The following HIVEP1 variants were observed in gnomAD, a reference collection of about 807,000 sequenced individuals.
The protein encoded by HIVEP1 is zinc finger protein 40.
Under a neutral mutation model 180.0 loss-of-function variants are expected in HIVEP1, and 36 were observed. That is an observed-to-expected ratio of 0.20 (90% CI 0.15 to 0.26). The LOEUF is 0.26. Ranked by LOEUF, HIVEP1 falls within the 10% of genes least tolerant of loss-of-function variation. The probability of loss-of-function intolerance (pLI) is 1.00; values close to 1 mark genes in which losing one functional copy is unlikely to be tolerated. For synonymous variants in HIVEP1, 1,239 were observed against 1,239.0 expected, an observed-to-expected ratio of 1.00 and a Z score of 0.00; for missense variants, 3,143 against 3,268.7, an observed-to-expected ratio of 0.96 and a Z score of 0.94.
In HIVEP1 at chr6:12,123,264, G is replaced by A; in HGVS notation, c.3469G>A (p.Ala1157Thr). 1 of 1,614,154 alleles carries A rather than the reference G, an allele frequency of 6.2e-7. No homozygotes were observed. Among genetic ancestry groups the A allele is most frequent in the Non-Finnish European group, 8.5e-7 (1 of 1,180,032 alleles). Residue 1157 changes from alanine (A) to threonine (T), a missense_variant, in exon 4 of 9, where the codon GCC (alanine) becomes ACC (threonine). Physicochemically the swap from Ala to Thr is moderately conservative, Grantham distance 58. This residue lies in a region of HIVEP1 where 1,357 missense variants were observed against 1,260.5 expected (regional missense o/e 1.08). Transcript: ENST00000379388. Reference protein sequence around the residue: ...SFDKPEPFERASPVSFQELNR... With the variant: ...SFDKPEPFERTSPVSFQELNR... The stretch of plus-strand genomic sequence containing the variant: ...TGACAAGCCTGAGCCTTTTGAAAGA[G>A]CCTCCCCAGTTTCTTTCCAGGAGCT...
At chr6:12,161,094 A>G (rs1760368658) in intron 7 of HIVEP1, among the ~76,000 whole-genome samples, 1 of 152,222 alleles carries the variant, frequency 6.6e-6, no homozygotes, top group African/African-American at 2.4e-5. Context: ...TTAATTTTAT[A>G]TGTAGTTCAG....
At chr6:12,179,246 G>C in the HIVEP1 span, among the ~76,000 whole-genome samples, 1 of 152,062 alleles carries the variant, frequency 6.6e-6, no homozygotes, top group African/African-American at 2.4e-5. Context: ...TATAGATAGG[G>C]ACCCAAATAT....
intron 2 of HIVEP1, among the ~76,000 whole-genome samples, chr6:12,086,422 G>A (rs1190535010): frequency 6.6e-6 from 1 of 152,070 alleles, no homozygotes; most frequent in Admixed American, 6.6e-5. Context: ...CAGCAACAGA[G>A]AAACTATTAT....
intron 6 of HIVEP1, among the ~76,000 whole-genome samples, chr6:12,133,893 G>C (rs1219255268): frequency 4.6e-5 from 7 of 151,842 alleles, no homozygotes; most frequent in Admixed American, 1.3e-4. Context: ...CAAAAGAATG[G>C]CTTGAACCCG....
intron 5 of HIVEP1, among the ~76,000 whole-genome samples, chr6:12,130,542 A>C (rs758786422): frequency 1.3e-5 from 2 of 152,196 alleles, no homozygotes; most frequent in East Asian, 1.9e-4. Flanking sequence ...TCTCTAAAAA[A>C]AAAACAAAAC....
chr6:12,017,894 A>G (rs959328039), intron 2 of HIVEP1, among the ~76,000 whole-genome samples: 1 of 152,254 alleles, frequency 6.6e-6, no homozygotes, highest in South Asian at 2.1e-4. Flanking sequence ...CTGGGGCCAC[A>G]GGTGGAGCTG....
intron 3 of HIVEP1, among the ~76,000 whole-genome samples, chr6:12,109,228 C>T (rs1379218284): frequency 1.3e-5 from 2 of 152,264 alleles, no homozygotes; most frequent in Admixed American, 1.3e-4. Context: ...CTCCTGACCT[C>T]GTGTTCCGCC....
At chr6:12,109,843 C>T (rs1774771289) in intron 3 of HIVEP1, among the ~76,000 whole-genome samples, 2 of 152,184 alleles carry the variant, frequency 1.3e-5, no homozygotes. Context: ...TTGCTTTGCC[C>T]AGCTCCATCA....
chr6:12,116,676 A>G (rs1042571864), intron 3 of HIVEP1, among the ~76,000 whole-genome samples: 2 of 152,174 alleles, frequency 1.3e-5, no homozygotes, highest in African/African-American at 4.8e-5. Context: ...TGTTAAAGAA[A>G]GAAGATCCAA....
the HIVEP1 span, among the ~76,000 whole-genome samples, chr6:12,182,805 A>G: frequency 6.6e-6 from 1 of 152,216 alleles, no homozygotes; most frequent in Admixed American, 6.5e-5. Context: ...ATATATAAAC[A>G]GTACTGTGCA....
chr6:12,010,953 T>TC (rs1767243861), upstream of HIVEP1, among the ~76,000 whole-genome samples: 1 of 151,996 alleles, frequency 6.6e-6, no homozygotes, highest in African/African-American at 2.4e-5. Context: ...GTCCCCGAAG[T>TC]CCCCTCCCGG....
intron 3 of HIVEP1, among the ~76,000 whole-genome samples, chr6:12,097,396 C>G (rs1463352476): frequency 2.6e-5 from 4 of 151,482 alleles, no homozygotes; most frequent in Non-Finnish European, 5.9e-5. Flanking sequence ...TTTAACCCAG[C>G]TCTTACCCAA....
intron 2 of HIVEP1, among the ~76,000 whole-genome samples, chr6:12,028,891 T>G (rs924776627): frequency 2.0e-5 from 3 of 152,216 alleles, no homozygotes; most frequent in African/African-American, 7.2e-5. Flanking sequence ...CTGCAGGCAA[T>G]TGCTGGTCTG....
At chr6:12,070,769 AAAAT>A (rs1771918978) in intron 2 of HIVEP1, among the ~76,000 whole-genome samples, 1 of 152,232 alleles carries the variant, frequency 6.6e-6, no homozygotes, top group African/African-American at 2.4e-5. Flanking sequence ...GACCATTTAT[AAAAT>A]TTGGCTCCAC....
chr6:12,161,739 C>T lies in HIVEP1; in HGVS notation c.6788C>T (p.Ala2263Val). The T allele has an allele frequency of 1.2e-6, 2 of 1,613,964 alleles. No individual in the cohort carries two copies. Among genetic ancestry groups the T allele is most frequent in the South Asian group, 2.2e-5 (2 of 91,078 alleles). ...LLTRMTVLST[A>V]QSDYNRKTLS... ...ACCAGAATGACTGTCCTGAGCACAG[C>T]ACAGTCTGACTACAATAGGAAGACA... The change falls in exon 8 of 9, where the codon GCA becomes GTA. Residue 2263 changes from alanine to valine, a missense_variant. Physicochemically the swap from Ala to Val is moderately conservative, Grantham distance 64. This residue lies in a region of HIVEP1 where 595 missense variants were observed against 602.2 expected (regional missense o/e 0.99). Transcript: ENST00000379388.
Position 12,120,333 on chromosome 6 carries a change from A to G in HIVEP1, c.538A>G (p.Ile180Val), listed in dbSNP as rs773137562. ...AACCAGGACTGACAATAGCGAATGC[A>G]TCTCTTCTCATTGTGGCACTACGTC... ...SKTRTDNSEC[I>V]SSHCGTTSPS... Residue 180 changes from isoleucine (I) to valine (V), a missense_variant, in exon 4 of 9, where the codon ATC becomes GTC. This residue lies in a region of HIVEP1 where 306 missense variants were observed against 310.6 expected (regional missense o/e 0.99). Coordinates refer to ENST00000379388, the MANE Select transcript of HIVEP1 (RefSeq NM_002114.4). The G allele has an allele frequency of 4.3e-6, 7 of 1,614,160 alleles. No homozygotes were observed. The South Asian group carries it at 7.7e-5, about 18-fold the overall frequency.
chr6:12,210,338 T>C, the HIVEP1 span, among the ~76,000 whole-genome samples: 2 of 152,220 alleles, frequency 1.3e-5, no homozygotes, highest in African/African-American at 4.8e-5. Flanking sequence ...GCCTTCAAGA[T>C]AAGAAAGAGC....
rs184705799 is a variant in HIVEP1 at position 12,018,242 on chromosome 6, G to A, written c.40+2574G>A. Among the ~76,000 whole-genome samples the A allele has an allele frequency of 2.0e-5, 3 of 152,302 alleles. No homozygotes were observed. In the East Asian group the frequency reaches 5.8e-4, roughly 29 times the overall value. Reference sequence around the variant, plus strand: ...TAGCTGGCCTACAAGCGCCACGCGCGGCCCCCGTTCCTGCCCGCGCTTCTT... The same window carrying A: ...TAGCTGGCCTACAAGCGCCACGCGCAGCCCCCGTTCCTGCCCGCGCTTCTT... On this transcript the variant is annotated intron_variant, in intron 2 of 8. Transcript: ENST00000379388.
the HIVEP1 span, among the ~76,000 whole-genome samples, chr6:12,196,045 A>G: frequency 6.6e-6 from 1 of 152,238 alleles, no homozygotes; most frequent in Non-Finnish European, 1.5e-5. Flanking sequence ...TGACAATCAG[A>G]CCAATTAGTA....
Sources: allele counts gnomAD v4.1 joint callset (sites outside exome capture counted in the v4.1 genomes callset), GRCh38; gene constraint gnomAD v4.1.1; regional missense constraint gnomAD v4.1.1; transcripts MANE v1.5; gene names NCBI Gene and HGNC (gene_info 2026-07-23, HGNC 2026-07-21).